The following ZNF831 variants were observed in gnomAD, a reference collection of about 807,000 sequenced individuals.
ZNF831 encodes the protein zinc finger protein 831.
In ZNF831, 59 loss-of-function variants were observed where a neutral mutation model predicts 95.8. The ratio of observed to expected loss-of-function variants is 0.62; its 90% CI spans 0.50 to 0.77. ZNF831 has a LOEUF of 0.77. Among genes scored for constraint, ZNF831 ranks in the 30% least tolerant of loss-of-function variants. The pLI, the probability that ZNF831 is intolerant of heterozygous loss-of-function variation, is 0.00. For synonymous variants in ZNF831, 961 were observed against 925.5 expected (o/e 1.04, Z -0.70); for missense variants, 2,205 against 2,164.0 (o/e 1.02, Z -0.38).
intron 3 of ZNF831, among the ~76,000 whole-genome samples, chr20:59,198,136 A>T (rs1984258489): frequency 6.6e-6 from 1 of 152,080 alleles, no homozygotes; most frequent in Non-Finnish European, 1.5e-5. Context: ...AACTTTCTTA[A>T]TCCAGGGTGA....
At chr20:59,240,750 C>G (rs1402435200) in intron 4 of ZNF831, among the ~76,000 whole-genome samples, 1 of 152,098 alleles carries the variant, frequency 6.6e-6, no homozygotes, top group East Asian at 1.9e-4. Context: ...TGCAGTGAGC[C>G]AAGATGGCGC....
At chr20:59,211,646 C>T (rs1217822537) in intron 4 of ZNF831, among the ~76,000 whole-genome samples, 8 of 152,192 alleles carry the variant, frequency 5.3e-5, no homozygotes, top group Non-Finnish European at 1.5e-5. Flanking sequence ...GAAGACAAAG[C>T]ACTGTCACTT....
Position 59,192,509 on chromosome 20 carries a change from A to G in ZNF831, c.1490A>G (p.Glu497Gly), listed in dbSNP as rs1364575195. 1.9e-6 allele frequency: 3 copies of G among 1,546,100 alleles called. No individual in the cohort carries two copies. The Admixed American group carries it at 6.0e-5, about 31-fold the overall frequency. The change falls in exon 2 of 6, where the codon GAA becomes GGA. Residue 497 changes from glutamate (E) to glycine (G), a missense_variant. Physicochemically the swap from Glu to Gly is moderately conservative, Grantham distance 98 (BLOSUM62 -2). Transcript: ENST00000371030. This position sits in a 1 kb window ranked among gnomAD's most constrained non-coding sequence, Gnocchi z 5.2. ...CCCACTCAGCTCTCCACCACCGTGG[A>G]ATGTGTCCCCGTCACCAGGAGCAAC... The part of the protein sequence containing the change: ...SVPTQLSTTV[E>G]CVPVTRSNSL...
intron 1 of ZNF831, among the ~76,000 whole-genome samples, chr20:59,131,234 C>T (rs1979343818): frequency 6.6e-6 from 1 of 152,192 alleles, no homozygotes; most frequent in Non-Finnish European, 1.5e-5. Flanking sequence ...GCTTTGTGGT[C>T]ATCAGTACCC....
chr20:59,250,494 C>CT (rs959840681), intron 4 of ZNF831, among the ~76,000 whole-genome samples: 6 of 152,170 alleles, frequency 3.9e-5, no homozygotes, highest in African/African-American at 1.2e-4. Flanking sequence ...ACCAAGTCAG[C>CT]TTTTTTGTGC....
intron 4 of ZNF831, among the ~76,000 whole-genome samples, chr20:59,243,936 A>T (rs1213540956): frequency 6.6e-6 from 1 of 151,626 alleles, no homozygotes; most frequent in East Asian, 1.9e-4. Flanking sequence ...AATAATATTA[A>T]CAATTTTTTT....
rs1912530202 is a variant in ZNF831, at chr20:59,247,525, GAATAAATAA to G, written c.4028-5452_4028-5444del. 2.0e-5 allele frequency among the ~76,000 whole-genome samples: 3 copies of G among 152,224 alleles called. No individual in the cohort carries two copies. In the East Asian group the frequency reaches 5.8e-4, roughly 29 times the overall value. ...CTCGAAAACAGGCTTAAAAATATTTGAATAAATAACTGTCCACAAAGTTATTACTTTTAG... is the reference window on the plus strand; with the variant it reads ...CTCGAAAACAGGCTTAAAAATATTTGCTGTCCACAAAGTTATTACTTTTAG... On this transcript the variant is annotated intron_variant, in intron 4 of 5. Transcript: ENST00000371030.
rs1453289828 is a variant in ZNF831 at position 59,256,903 on chromosome 20, C to G, written c.*2160C>G. 6.6e-6 allele frequency: 1 copy of G among 152,126 alleles called. No homozygotes were observed. Among genetic ancestry groups the G allele is most frequent in the Admixed American group, 6.5e-5 (1 of 15,280 alleles). 9.4% of individuals were successfully genotyped at this position (152,126 alleles called of 1,614,324 possible). A position where few individuals can be genotyped will look rare whatever the true frequency, so the allele number is the denominator to read the frequency against. ...GGCTCATAGTTCAAAAAATTAAAAG[C>G]AAAACCAGAACTCTCCAGTAGGAAT... On this transcript the variant is annotated 3_prime_UTR_variant, in exon 6 of 6. Coordinates refer to ENST00000371030, the MANE Select transcript of ZNF831 (RefSeq NM_178457.3).
intron 3 of ZNF831, among the ~76,000 whole-genome samples, chr20:59,200,458 G>A (rs1388958218): frequency 2.0e-5 from 3 of 151,568 alleles, no homozygotes; most frequent in Non-Finnish European, 4.4e-5. Context: ...ACTATTTTTT[G>A]TAAAGCTTTA....
At position 59,191,778 on chromosome 20, in the gene ZNF831, C is replaced by T. The variant is rs1282146112; in HGVS notation, c.759C>T (p.Pro253=). ...ERPLSPGAHV[P]LLAKNLDVRT... The stretch of plus-strand genomic sequence containing the variant: ...CCCTTTCTCCGGGTGCCCACGTGCC[C>T]CTACTTGCCAAGAACCTGGATGTGA... Residue 253 remains proline (P), a synonymous_variant, in exon 2 of 6, where the codon CCC becomes CCT. Coordinates refer to ENST00000371030, the MANE Select transcript of ZNF831 (RefSeq NM_178457.3). 3.1e-6 allele frequency: 5 copies of T among 1,611,976 alleles called. No individual in the cohort carries two copies. The highest frequency in any genetic ancestry group is 4.2e-6 in the Non-Finnish European group (5 of 1,179,332).
chr20:59,209,945 A>G (rs1256245518), intron 4 of ZNF831, among the ~76,000 whole-genome samples: 1 of 152,186 alleles, frequency 6.6e-6, no homozygotes, highest in Non-Finnish European at 1.5e-5. Flanking sequence ...TCTCATTTCA[A>G]GATCCTTAAT....
rs868748489 is a variant in ZNF831, at chr20:59,254,467, CA to C, written c.4760del (p.Lys1587ArgfsTer15). On this transcript the variant is annotated frameshift_variant, in exon 6 of 6. Coordinates refer to ENST00000371030, the MANE Select transcript of ZNF831 (RefSeq NM_178457.3). LOFTEE classifies it low-confidence loss of function (END_TRUNC). This position sits in a 1 kb window ranked among gnomAD's most constrained non-coding sequence, Gnocchi z 4.5. Reference sequence around the variant, plus strand: ...GTTCACACCACAAGGAAGGGAGACACAAGACGTTTTTTCCTTCCAGAGGCCA... The same window carrying C: ...GTTCACACCACAAGGAAGGGAGACACAGACGTTTTTTCCTTCCAGAGGCCA... ...ASSHHKEGRH[K>X]TFFPSRGQYG... 6.2e-7 allele frequency: 1 copy of C among 1,614,224 alleles called. No homozygotes were observed. Among genetic ancestry groups the C allele is most frequent in the African/African-American group, 1.3e-5 (1 of 75,070 alleles).
chr20:59,237,965 G>C (rs954494546), intron 4 of ZNF831, among the ~76,000 whole-genome samples: 1 of 152,076 alleles, frequency 6.6e-6, no homozygotes, highest in African/African-American at 2.4e-5. Context: ...CCCAGAATAC[G>C]TAATTTTTTT....
chr20:59,186,814 C>T (rs1291336111), intron 1 of ZNF831, among the ~76,000 whole-genome samples: 1 of 152,032 alleles, frequency 6.6e-6, no homozygotes, highest in Admixed American at 6.6e-5. Context: ...TGCAGATGGC[C>T]TAGTGTGGTG....
At chr20:59,216,561 G>A (rs1169811494) in intron 4 of ZNF831, among the ~76,000 whole-genome samples, 4 of 152,212 alleles carry the variant, frequency 2.6e-5, no homozygotes, top group African/African-American at 9.7e-5. Flanking sequence ...AGCCCATGGT[G>A]GGCATGCTGC....
intron 5 of ZNF831, 62 bp downstream of exon 5, chr20:59,253,200 G>A: frequency 6.4e-7 from 1 of 1,570,718 alleles, no homozygotes; most frequent in Non-Finnish European, 8.7e-7. Context: ...AGCCCTGCTT[G>A]TTCTTGCTGC....
At chr20:59,149,202 T>C (rs1481550582) in intron 2 of ZNF831, among the ~76,000 whole-genome samples, 1 of 152,200 alleles carries the variant, frequency 6.6e-6, no homozygotes, top group Non-Finnish European at 1.5e-5. Context: ...ATTAACCAGC[T>C]TCCTCTGGTG....
chr20:59,179,244 T>A (rs1446148781), intron 1 of ZNF831, among the ~76,000 whole-genome samples: 1 of 152,140 alleles, frequency 6.6e-6, no homozygotes, highest in Non-Finnish European at 1.5e-5. Flanking sequence ...AGTCCATCAA[T>A]GGGAAGTTGG....
chr20:59,139,887 C>G (rs532075332), intron 1 of ZNF831, among the ~76,000 whole-genome samples: 11 of 152,164 alleles, frequency 7.2e-5, no homozygotes, highest in Non-Finnish European at 1.6e-4. Context: ...CTGAATTGAA[C>G]AGTGATTCAG....
Sources: allele counts gnomAD v4.1 joint callset (sites outside exome capture counted in the v4.1 genomes callset), GRCh38; gene constraint gnomAD v4.1.1; non-coding constraint Gnocchi (gnomAD v3.1); transcripts MANE v1.5; gene names NCBI Gene and HGNC (gene_info 2026-07-23, HGNC 2026-07-21).